LRP1: variants seen among roughly 807,000 people sequenced by gnomAD.
LRP1 encodes prolow-density lipoprotein receptor-related protein 1.
Under a neutral mutation model 541.5 loss-of-function variants are expected in LRP1, and 51 were observed. That is an observed-to-expected ratio of 0.09 (90% confidence interval 0.08 to 0.12). The LOEUF (loss-of-function observed/expected upper bound fraction) is 0.12. Among genes scored for constraint, LRP1 ranks in the 10% least tolerant of loss-of-function variants. The probability of loss-of-function intolerance (pLI) is 1.00; values close to 1 mark genes in which losing one functional copy is unlikely to be tolerated. For synonymous variants in LRP1, 2,219 were observed against 2,470.8 expected, an observed-to-expected ratio of 0.90 and a Z score of 3.02; for missense variants, 3,878 against 6,376.2, an observed-to-expected ratio of 0.61 and a Z score of 13.34.
At chr12:57,135,121 C>A (rs191386425) in intron 1 of LRP1, among the ~76,000 whole-genome samples, 29 of 152,292 alleles carry the variant, frequency 1.9e-4, no homozygotes, top group Admixed American at 1.6e-3. Flanking sequence ...GCAAGGGCAC[C>A]CACCTCACAG....
Position 57,178,232 on chromosome 12 carries a change from G to A in LRP1, c.4362-127G>A. 9.0e-7 allele frequency: 1 copy of A among 1,113,838 alleles called. No individual in the cohort carries two copies. Among genetic ancestry groups the A allele is most frequent in the Non-Finnish European group, 1.3e-6 (1 of 783,282 alleles). 69.0% of individuals were successfully genotyped at this position (1,113,838 alleles called of 1,614,324 possible). On this transcript the variant is annotated intron_variant, in intron 26 of 88. Transcript: ENST00000243077. The surrounding 1 kb of genome is among the most constrained non-coding windows in gnomAD (Gnocchi z 5.8). Reference sequence around the variant, plus strand: ...TCTGCTCTGGCCAGCAAGGCTTAGGGGAGGGAATGGTCCCATGCTCTTCGC... The same window carrying A: ...TCTGCTCTGGCCAGCAAGGCTTAGGAGAGGGAATGGTCCCATGCTCTTCGC...
chr12:57,195,132 T>C, intron 51 of LRP1, 31 bp downstream of exon 51: 2 of 1,604,756 alleles, frequency 1.2e-6, no homozygotes, highest in Non-Finnish European at 8.5e-7. Flanking sequence ...CCGGGGGAGG[T>C]GCCCCAGGGA....
intron 70 of LRP1, 78 bp downstream of exon 70, chr12:57,203,599 C>G: frequency 1.4e-6 from 2 of 1,406,712 alleles, no homozygotes; most frequent in South Asian, 2.9e-5. Flanking sequence ...TTCACTCATT[C>G]TTTCTCTTCT....
Position 57,200,826 on chromosome 12 carries a change from G to GGGGGGGCGC in LRP1, c.10225+11_10225+12insGGGGGGCGC. The GGGGGGGCGC allele has an allele frequency of 6.3e-7, 1 of 1,581,424 alleles. No individual in the cohort carries two copies. Among genetic ancestry groups the GGGGGGGCGC allele is most frequent in the Non-Finnish European group, 8.6e-7 (1 of 1,157,666 alleles). ...ACGAGGCCAACTGTGGTAAGGCGCT[G>GGGGGGGCGC]CCCGCCCACCCTCCCTCCTTCCCCA... On this transcript the variant is annotated intron_variant, in intron 64 of 88. Transcript: ENST00000243077.
intron 67 of LRP1, 125 bp from the exon 68 acceptor site, chr12:57,202,296 C>T (rs1270069247): frequency 1.7e-5 from 13 of 776,522 alleles, no homozygotes; most frequent in South Asian, 8.8e-5. Flanking sequence ...CTGGGCTCCC[C>T]GCGGCTGACC....
chr12:57,169,028 G>T (rs1452667558), intron 19 of LRP1, 112 bp from the exon 20 acceptor site: 39 of 834,190 alleles, frequency 4.7e-5, no homozygotes. Context: ...CCCAGTGGGG[G>T]GGTTAGGGTG....
chr12:57,175,396 G>A (rs1017029949), intron 22 of LRP1, 64 bp from the exon 23 acceptor site: 1 of 1,597,644 alleles, frequency 6.3e-7, no homozygotes, highest in African/African-American at 1.3e-5. Flanking sequence ...GCCCAGCAGG[G>A]CCGTGGTCTT....
rs1395320433 is a variant in LRP1, at chr12:57,162,157, CTG to C, written c.2203-155_2203-154del. Among the ~76,000 whole-genome samples the C allele has an allele frequency of 1.3e-5, 2 of 152,150 alleles. No individual in the cohort carries two copies. Among genetic ancestry groups the C allele is most frequent in the Admixed American group, 6.5e-5 (1 of 15,278 alleles). On this transcript the variant is annotated intron_variant, in intron 13 of 88. Transcript: ENST00000243077. This position sits in a 1 kb window ranked among gnomAD's most constrained non-coding sequence, Gnocchi z 5.2. ...GCTGGCTTCAGGATCTACCATCCCA[CTG>C]TGTGCAAAACTATCACTCTCTGGGG...
In LRP1 at chr12:57,154,132, T is replaced by A; in HGVS notation, c.842-76T>A. On this transcript the variant is annotated intron_variant, in intron 6 of 88. Coordinates refer to ENST00000243077, the MANE Select transcript of LRP1 (RefSeq NM_002332.3). This position sits in a 1 kb window ranked among gnomAD's most constrained non-coding sequence, Gnocchi z 4.6. The stretch of plus-strand genomic sequence containing the variant: ...GAGAAGGTGGGCTTCCAGGTGTGGG[T>A]TCTCACCAGCAAAGGGTGGGCATCT... The A allele has an allele frequency of 7.0e-7, 1 of 1,429,568 alleles. No homozygotes were observed. Among genetic ancestry groups the A allele is most frequent in the Non-Finnish European group, 9.7e-7 (1 of 1,030,088 alleles). 88.6% of individuals were successfully genotyped at this position (1,429,568 alleles called of 1,614,324 possible).
At chr12:57,191,566 TACA>T (rs2036380198) in intron 44 of LRP1, 54 bp downstream of exon 44, 19 of 1,493,478 alleles carry the variant, frequency 1.3e-5, no homozygotes, top group Non-Finnish European at 1.6e-5. Flanking sequence ...TGCATGGACA[TACA>T]AACACACACC....
rs1477906079 is a variant in LRP1 at position 57,208,698 on chromosome 12, T to TCTAC, written c.12039-11_12039-10insACCT. ...CTCCGGCCTGCCCACACTCACCCCT[T>TCTAC]CTCCCTCCCCAGGACCATGTACTGG... On this transcript the variant is annotated splice_polypyrimidine_tract_variant and intron_variant, in intron 77 of 88. Transcript: ENST00000243077. The TCTAC allele has an allele frequency of 3.1e-6, 5 of 1,587,322 alleles. No individual in the cohort carries two copies. Among genetic ancestry groups the TCTAC allele is most frequent in the Non-Finnish European group, 4.3e-6 (5 of 1,158,440 alleles).
At chr12:57,142,615 C>A (rs572243263) in intron 3 of LRP1, among the ~76,000 whole-genome samples, 9 of 152,140 alleles carry the variant, frequency 5.9e-5, no homozygotes, top group Non-Finnish European at 1.3e-4. Context: ...TTTTGAGTAC[C>A]TTTACAGTCT....
chr12:57,162,895 C>T lies in LRP1; in HGVS notation c.2442C>T (p.Cys814=). ...TNKCRVNNGG[C]SSLCLATPGS... is the part of the protein sequence containing the mutation. Reference sequence around the variant, plus strand: ...AATGCCGGGTGAACAATGGCGGCTGCAGCAGCCTGTGCTTGGCCACCCCTG... The same window carrying T: ...AATGCCGGGTGAACAATGGCGGCTGTAGCAGCCTGTGCTTGGCCACCCCTG... The change falls in exon 15 of 89, where the codon TGC becomes TGT. Residue 814 remains cysteine, a synonymous_variant. Coordinates refer to ENST00000243077, the MANE Select transcript of LRP1 (RefSeq NM_002332.3). This position sits in a 1 kb window ranked among gnomAD's most constrained non-coding sequence, Gnocchi z 5.2. 1.9e-6 allele frequency: 3 copies of T among 1,607,792 alleles called. No individual in the cohort carries two copies. Among genetic ancestry groups the T allele is most frequent in the Non-Finnish European group, 2.5e-6 (3 of 1,178,132 alleles).
chr12:57,204,817 G>C lies in LRP1; in HGVS notation c.11194+68G>C. 6.3e-7 allele frequency: 1 copy of C among 1,595,810 alleles called. No homozygotes were observed. The highest frequency in any genetic ancestry group is 8.6e-7 in the Non-Finnish European group (1 of 1,166,858). ...GCACAGTGGGGTGAGTCTGGTCCTC[G>C]TGGGAGCTGCACTGGGGTTAGGGTT... On this transcript the variant is annotated intron_variant, in intron 72 of 88. Coordinates refer to ENST00000243077, the MANE Select transcript of LRP1 (RefSeq NM_002332.3). This position sits in a 1 kb window ranked among gnomAD's most constrained non-coding sequence, Gnocchi z 5.3.
intron 1 of LRP1, among the ~76,000 whole-genome samples, chr12:57,136,569 T>G (rs2035174547): frequency 6.6e-6 from 1 of 152,116 alleles, no homozygotes; most frequent in African/African-American, 2.4e-5. Flanking sequence ...CTTCAGTGTG[T>G]GCCAGCAGAA....
rs1456536512 is a variant in LRP1 at position 57,166,165 on chromosome 12, A to G, written c.2753A>G (p.Asn918Ser). Residue 918 changes from asparagine to serine, a missense_variant, in exon 17 of 89, where the codon AAT becomes AGT. By Grantham distance (46) the Asn-to-Ser change is conservative. Transcript: ENST00000243077. ...IPNRWLCDGD[N>S]DCGNSEDESN... ...AACCGCTGGCTCTGCGACGGGGACAATGACTGTGGGAACAGTGAAGATGAG... is the reference window on the plus strand; with the variant it reads ...AACCGCTGGCTCTGCGACGGGGACAGTGACTGTGGGAACAGTGAAGATGAG... 2 of 1,613,906 alleles carry G rather than the reference A, an allele frequency of 1.2e-6. No individual in the cohort carries two copies. The highest frequency in any genetic ancestry group is 4.5e-5 in the East Asian group (2 of 44,886).
intron 20 of LRP1, among the ~76,000 whole-genome samples, chr12:57,171,613 T>C (rs2035945078): frequency 1.3e-5 from 2 of 152,134 alleles, no homozygotes; most frequent in South Asian, 4.1e-4. Context: ...TGCTGTGATG[T>C]AGGAGGTGAT....
intron 79 of LRP1, 42 bp from the exon 80 acceptor site, chr12:57,209,650 G>A (rs1184806251): frequency 6.3e-7 from 1 of 1,581,590 alleles, no homozygotes; most frequent in South Asian, 1.1e-5. Flanking sequence ...GCCAGGGCCT[G>A]AGTGCCCCTC....
chr12:57,206,615 T>C lies in LRP1; in HGVS notation c.11733T>C (p.Ala3911=). The change falls in exon 76 of 89, where the codon GCT becomes GCC. Residue 3911 remains alanine, a synonymous_variant. Coordinates refer to ENST00000243077, the MANE Select transcript of LRP1 (RefSeq NM_002332.3). This position sits in a 1 kb window ranked among gnomAD's most constrained non-coding sequence, Gnocchi z 4.7. ...ATGCTATGGATGTCCATGTCAAGGC[T>C]GGCCGTGTCTATTGGACCAACTGGC... is the stretch of plus-strand genomic sequence containing the variant. ...RIDAMDVHVK[A]GRVYWTNWHT... is the part of the protein sequence containing the mutation. 6.2e-7 allele frequency: 1 copy of C among 1,614,164 alleles called. No homozygotes were observed. Among genetic ancestry groups the C allele is most frequent in the African/African-American group, 1.3e-5 (1 of 75,058 alleles).
Sources: gnomAD v4.1 joint callset for allele counts (sites outside exome capture counted in the v4.1 genomes callset) on GRCh38, gnomAD v4.1.1 for gene constraint, Gnocchi (gnomAD v3.1) non-coding constraint, MANE v1.5 for transcripts, NCBI Gene and HGNC (gene_info 2026-07-23, HGNC 2026-07-21) for gene names.